UBR4: variants seen among roughly 807,000 people sequenced by gnomAD.
The protein encoded by UBR4 is E3 ubiquitin-protein ligase UBR4.
Under a neutral mutation model 575.6 loss-of-function variants are expected in UBR4, and 124 were observed. That is an observed-to-expected ratio of 0.22 (90% confidence interval 0.19 to 0.25). UBR4 has a LOEUF of 0.25. Among genes scored for constraint, UBR4 ranks in the 10% least tolerant of loss-of-function variants. The pLI, the probability that UBR4 is intolerant of heterozygous loss-of-function variation, is 1.00. For missense variants in UBR4, 4,818 were observed against 6,478.8 expected (o/e 0.74, Z 8.80); for synonymous variants, 2,455 against 2,473.7 (o/e 0.99, Z 0.22).
rs997886419 is a variant in UBR4, at chr1:19,194,387, T to C, written c.1019-830A>G. ...CCTCTAGTTCCAGTTACTCAGGAGG[T>C]TGATGTGGGAGGATCATTTGCACCC... On this transcript the variant is annotated intron_variant, in intron 8 of 105. Coordinates refer to ENST00000375254, the MANE Select transcript of UBR4 (RefSeq NM_020765.3). Among the ~76,000 whole-genome samples the C allele has an allele frequency of 5.3e-5, 8 of 152,014 alleles. No homozygotes were observed. In the South Asian group the frequency reaches 8.3e-4, roughly 16 times the overall value.
Position 19,074,644 on chromosome 1 carries a change from TG to T in UBR4, c.*187del. 1.5e-6 allele frequency: 1 copy of T among 653,632 alleles called. No homozygotes were observed. The highest frequency in any genetic ancestry group is 2.7e-6 in the Non-Finnish European group (1 of 374,350). 40.5% of individuals were successfully genotyped at this position (653,632 alleles called of 1,614,324 possible). On this transcript the variant is annotated 3_prime_UTR_variant, in exon 106 of 106. Transcript: ENST00000375254. ...CTTGGGTTACAGACAACCTCATAGC[TG>T]GTGCACCACACACACGAGATAAAAC... is the stretch of plus-strand genomic sequence containing the variant.
In UBR4 at chr1:19,139,039, C is replaced by G. The variant is rs767067698; in HGVS notation, c.8731+44G>C. 6.4e-7 allele frequency: 1 copy of G among 1,557,528 alleles called. No individual in the cohort carries two copies. Among genetic ancestry groups the G allele is most frequent in the Non-Finnish European group, 8.7e-7 (1 of 1,147,196 alleles). ...CAAGCAGAGATTCCTGTTTTGTCCC[C>G]ACCCTCTGCCCAAGGAGACAGGACC... is the stretch of plus-strand genomic sequence containing the variant. On this transcript the variant is annotated intron_variant, in intron 59 of 105. Transcript: ENST00000375254. This position sits in a 1 kb window ranked among gnomAD's most constrained non-coding sequence, Gnocchi z 4.2.
intron 34 of UBR4, 125 bp from the exon 35 acceptor site, chr1:19,162,736 AGT>A: frequency 8.2e-7 from 1 of 1,213,796 alleles, no homozygotes; most frequent in Non-Finnish European, 1.1e-6. Context: ...GAAGAAAAAC[AGT>A]GTGTTTTTAT....
Position 19,146,833 on chromosome 1 carries a change from C to T in UBR4, c.7797G>A (p.Met2599Ile). The change falls in exon 52 of 106, where the codon ATG becomes ATA. Residue 2599 changes from methionine (M) to isoleucine (I), a missense_variant. Physicochemically the swap from Met to Ile is conservative, Grantham distance 10. This residue lies in a region of UBR4 where 340 missense variants were observed against 375.4 expected (regional missense o/e 0.91). Transcript: ENST00000375254. Reference protein sequence around the residue: ...VHFTESKLPQMETEGMDEGKE... With the variant: ...VHFTESKLPQIETEGMDEGKE... ...CACAGAGGCCAAGTTCACCTGTTTC[C>T]ATCTGGGGCAGCTTTGACTCCGTAA... 8 of 1,612,756 alleles carry T rather than the reference C, an allele frequency of 5.0e-6. No homozygotes were observed. The highest frequency in any genetic ancestry group is 6.8e-6 in the Non-Finnish European group (8 of 1,179,230).
chr1:19,168,927 G>A (rs1056356405), intron 27 of UBR4, among the ~76,000 whole-genome samples: 9 of 149,406 alleles, frequency 6.0e-5, no homozygotes, highest in Admixed American at 3.3e-4. Flanking sequence ...GCAGTGAGCC[G>A]AGATCACGAC....
chr1:19,091,591 T>C (rs1439819559), intron 97 of UBR4, among the ~76,000 whole-genome samples: 1 of 152,146 alleles, frequency 6.6e-6, no homozygotes, highest in Admixed American at 6.5e-5. Context: ...CATGAACCAC[T>C]AGGAAAACGC....
chr1:19,175,598 A>T (rs1333381943), intron 20 of UBR4, among the ~76,000 whole-genome samples: 1 of 152,190 alleles, frequency 6.6e-6, no homozygotes, highest in East Asian at 1.9e-4. Context: ...GAAAAACACT[A>T]GAGATAATCT....
At chr1:19,192,587 T>A in intron 9 of UBR4, 47 bp from the exon 10 acceptor site, 2 of 1,606,120 alleles carry the variant, frequency 1.2e-6, no homozygotes, top group Non-Finnish European at 1.7e-6. Context: ...GCTGACAGAT[T>A]TCATCATAAA....
chr1:19,115,195 ACATG>A (rs60420953), intron 74 of UBR4, among the ~76,000 whole-genome samples, 199 bp downstream of exon 74: 13,679 of 67,236 alleles, frequency 0.2, 657 homozygotes, highest in East Asian at 0.25. Context: ...ACTCGTGTGC[ACATG>A]CACACACACA....
At chr1:19,156,123 C>T (rs2086417847) in intron 42 of UBR4, 148 bp downstream of exon 42, 2 of 1,101,574 alleles carry the variant, frequency 1.8e-6, no homozygotes, top group Non-Finnish European at 2.6e-6. Flanking sequence ...AATTCTCCAC[C>T]TCAGCCTTCC....
chr1:19,128,361 G>T, intron 61 of UBR4, 43 bp from the exon 62 acceptor site: 1 of 1,543,208 alleles, frequency 6.5e-7, no homozygotes, highest in Non-Finnish European at 8.9e-7. Flanking sequence ...ATTTCCTAAA[G>T]AAGAACGACT....
chr1:19,208,963 T>A (rs780138442), intron 1 of UBR4, among the ~76,000 whole-genome samples: 2 of 152,200 alleles, frequency 1.3e-5, no homozygotes, highest in African/African-American at 2.4e-5. Flanking sequence ...GGCCTGATGA[T>A]TAGATAGCAA....
chr1:19,138,816 T>C (rs968849068), intron 59 of UBR4, among the ~76,000 whole-genome samples: 1 of 152,152 alleles, frequency 6.6e-6, no homozygotes, highest in African/African-American at 2.4e-5. Flanking sequence ...GACTTACGCA[T>C]GTCATTGCTT....
intron 51 of UBR4, 136 bp downstream of exon 51, chr1:19,147,855 ACT>A: frequency 3.8e-6 from 5 of 1,324,106 alleles, no homozygotes; most frequent in Non-Finnish European, 5.0e-6. Context: ...CTCAGGAGAA[ACT>A]CTGTAAAATG....
At chr1:19,178,701 G>A (rs964564154) in intron 18 of UBR4, among the ~76,000 whole-genome samples, 8 of 152,188 alleles carry the variant, frequency 5.3e-5, no homozygotes, top group Non-Finnish European at 8.8e-5. Context: ...CACTGCAAGT[G>A]CCCCTAAGTG....
chr1:19,146,135 G>T (rs183905958), intron 52 of UBR4: 65 of 1,521,590 alleles, frequency 4.3e-5, no homozygotes, highest in South Asian at 2.7e-4. Context: ...AGAAAACATT[G>T]TATGTTAGAA....
intron 34 of UBR4, among the ~76,000 whole-genome samples, 196 bp from the exon 35 acceptor site, chr1:19,162,807 G>A (rs1557855385): frequency 6.6e-6 from 1 of 152,218 alleles, no homozygotes; most frequent in Non-Finnish European, 1.5e-5. Flanking sequence ...TTGTACTGAA[G>A]TAACATGTAT....
chr1:19,074,517 T>C lies in UBR4; in HGVS notation c.*315A>G, dbSNP rs2075741037. The C allele has an allele frequency of 2.7e-6, 1 of 367,674 alleles. No homozygotes were observed. The highest frequency in any genetic ancestry group is 5.1e-6 in the Non-Finnish European group (1 of 196,542). The allele number at this position is 367,674 out of a possible 1,614,324, so 22.8% of individuals were successfully genotyped here. A position where few individuals can be genotyped will look rare whatever the true frequency, so the allele number is the denominator to read the frequency against. ...CAGCAGGCAACACCTTCCTTTTCAA[T>C]GTGTGTTAAGTCACTTGTTTATTTC... is the stretch of plus-strand genomic sequence containing the variant. On this transcript the variant is annotated 3_prime_UTR_variant, in exon 106 of 106. Coordinates refer to ENST00000375254, the MANE Select transcript of UBR4 (RefSeq NM_020765.3).
At position 19,139,815 on chromosome 1, in the gene UBR4, C is replaced by T. The variant is rs774755735; in HGVS notation, c.8594-595G>A. On this transcript the variant is annotated intron_variant, in intron 58 of 105. Coordinates refer to ENST00000375254, the MANE Select transcript of UBR4 (RefSeq NM_020765.3). The surrounding 1 kb of genome is among the most constrained non-coding windows in gnomAD (Gnocchi z 4.2). Reference sequence around the variant, plus strand: ...TTTCACACCTCCTAATCATCCTCATCAGATGCTAATAATGAAGCAAGGAAA... The same window carrying T: ...TTTCACACCTCCTAATCATCCTCATTAGATGCTAATAATGAAGCAAGGAAA... Among the ~76,000 whole-genome samples, 1 of 152,160 alleles carries T rather than the reference C, an allele frequency of 6.6e-6. No individual in the cohort carries two copies. Among genetic ancestry groups the T allele is most frequent in the African/African-American group, 2.4e-5 (1 of 41,408 alleles).
Sources: gnomAD v4.1 joint callset for allele counts (sites outside exome capture counted in the v4.1 genomes callset) on GRCh38, gnomAD v4.1.1 for gene constraint, gnomAD v4.1.1 regional missense constraint, Gnocchi (gnomAD v3.1) non-coding constraint, MANE v1.5 for transcripts, NCBI Gene and HGNC (gene_info 2026-07-23, HGNC 2026-07-21) for gene names.